The following AK3 variants were observed in gnomAD, a reference collection of about 807,000 sequenced individuals.
AK3 encodes GTP:AMP phosphotransferase AK3, mitochondrial.
In AK3, 27 loss-of-function variants were observed where a neutral mutation model predicts 23.7. That is an observed-to-expected ratio of 1.14 (90% CI 0.84 to 1.57). The LOEUF (loss-of-function observed/expected upper bound fraction) is 1.57, where lower values mean the gene tolerates loss of function less well. Ranked by LOEUF, AK3 falls within the 40% of genes most tolerant of loss-of-function variation. AK3 has a pLI of 0.00. For missense variants in AK3, 406 were observed against 285.6 expected (o/e 1.42, Z -3.04); for synonymous variants, 159 against 116.0 (o/e 1.37, Z -2.38).
rs748401164 is a variant in AK3 at position 4,741,026 on chromosome 9, C to T, written c.62G>A (p.Gly21Asp). 3.2e-6 allele frequency: 5 copies of T among 1,586,650 alleles called. No individual in the cohort carries two copies. The South Asian group carries it at 5.7e-5, about 18-fold the overall frequency. Reference protein sequence around the residue: ...VIMGAPGSGKGTVSSRITTHF... With the variant: ...VIMGAPGSGKDTVSSRITTHF... ...TGTAGTGATGCGCGACGACACGGTGCCCTTGCCCGAGCCCGGGGCCCCCAT... is the reference window on the plus strand; with the variant it reads ...TGTAGTGATGCGCGACGACACGGTGTCCTTGCCCGAGCCCGGGGCCCCCAT... The change falls in exon 1 of 5, where the codon GGC becomes GAC. Residue 21 changes from glycine (G) to aspartate (D), a missense_variant. Gly to Asp is a moderately conservative substitution (Grantham distance 94). Transcript: ENST00000381809.
intron 1 of AK3, among the ~76,000 whole-genome samples, chr9:4,728,020 G>C (rs1034792567): frequency 5.9e-5 from 9 of 152,146 alleles, no homozygotes; most frequent in Admixed American, 6.5e-5. Context: ...TATGGGTATA[G>C]TTCATGGCAC....
chr9:4,741,124 G>C lies in AK3; in HGVS notation c.-37C>G, dbSNP rs533238384. Reference sequence around the variant, plus strand: ...GAGGCCCGCACCGCGCGGGTACCAGGGCTTTGGCCTGGCCTGCGCGCTCAC... The same window carrying C: ...GAGGCCCGCACCGCGCGGGTACCAGCGCTTTGGCCTGGCCTGCGCGCTCAC... On this transcript the variant is annotated 5_prime_UTR_variant, in exon 1 of 5. Coordinates refer to ENST00000381809, the MANE Select transcript of AK3 (RefSeq NM_016282.4). The C allele has an allele frequency of 6.8e-7, 1 of 1,462,532 alleles. No homozygotes were observed. The highest frequency in any genetic ancestry group is 9.0e-7 in the Non-Finnish European group (1 of 1,106,776). 90.6% of individuals were successfully genotyped at this position (1,462,532 alleles called of 1,614,324 possible). A position where few individuals can be genotyped will look rare whatever the true frequency, so the allele number is the denominator to read the frequency against.
intron 3 of AK3, 148 bp downstream of exon 3, chr9:4,718,987 C>T: frequency 1.1e-6 from 1 of 882,818 alleles, no homozygotes; most frequent in Non-Finnish European, 1.7e-6. Context: ...GCTCAGTGGA[C>T]TTGATCAGTC....
chr9:4,732,474 T>C (rs1008980302), intron 1 of AK3, among the ~76,000 whole-genome samples: 7 of 152,188 alleles, frequency 4.6e-5, no homozygotes, highest in African/African-American at 1.4e-4. Context: ...CAAGGCCAAC[T>C]GTATTTCCTT....
chr9:4,740,477 A>T (rs544401985), intron 1 of AK3, among the ~76,000 whole-genome samples: 1 of 152,230 alleles, frequency 6.6e-6, no homozygotes, highest in East Asian at 1.9e-4. Flanking sequence ...ACAAGATCTC[A>T]TAGAGCTTAA....
intron 4 of AK3, among the ~76,000 whole-genome samples, chr9:4,715,748 C>T (rs1444894454): frequency 1.3e-5 from 2 of 152,102 alleles, no homozygotes; most frequent in Non-Finnish European, 2.9e-5. Context: ...ACCCCTGGTA[C>T]TTCACTGCTT....
chr9:4,734,741 A>G (rs1441673779), intron 1 of AK3, among the ~76,000 whole-genome samples: 2 of 152,250 alleles, frequency 1.3e-5, no homozygotes, highest in South Asian at 4.1e-4. Flanking sequence ...AAAAAGAGAA[A>G]ACAACCCAAA....
At chr9:4,735,466 G>GTGTATA (rs368205956) in intron 1 of AK3, among the ~76,000 whole-genome samples, 2 of 46,932 alleles carry the variant, frequency 4.3e-5, no homozygotes, top group African/African-American at 1.4e-4. Flanking sequence ...TAGTATATGT[G>GTGTATA]TATATATATA....
rs1002806062 is a variant in AK3 at position 4,739,635 on chromosome 9, G to A, written c.151+1302C>T. Among the ~76,000 whole-genome samples the A allele has an allele frequency of 3.1e-4, 47 of 151,756 alleles. 1 individual carries two copies. The highest frequency in any genetic ancestry group is 6.3e-4 in the South Asian group (3 of 4,794). On this transcript the variant is annotated intron_variant, in intron 1 of 4. Coordinates refer to ENST00000381809, the MANE Select transcript of AK3 (RefSeq NM_016282.4). ...TAGTATGCTCACATATTACATACAA[G>A]AAAAGATACACGTTGGCCGGGCGCG...
chr9:4,729,619 A>G (rs1842108208), intron 1 of AK3, among the ~76,000 whole-genome samples: 2 of 152,252 alleles, frequency 1.3e-5, no homozygotes, highest in East Asian at 3.9e-4. Context: ...AGACTGCTCA[A>G]GCCTAAGAGT....
At chr9:4,726,759 G>A (rs62544266) in intron 1 of AK3, among the ~76,000 whole-genome samples, 43,119 of 150,134 alleles carry the variant, frequency 0.29, 7,466 homozygotes, top group Admixed American at 0.37. Flanking sequence ...CTAGAATGGC[G>A]CATCCTTTCC....
At chr9:4,737,272 T>A (rs903406280) in intron 1 of AK3, among the ~76,000 whole-genome samples, 25 of 146,544 alleles carry the variant, frequency 1.7e-4, no homozygotes, top group Non-Finnish European at 1.8e-4. Context: ...AAAGTTTTTG[T>A]CTATCTAAAA....
At chr9:4,727,939 G>A (rs770113908) in intron 1 of AK3, among the ~76,000 whole-genome samples, 4 of 152,142 alleles carry the variant, frequency 2.6e-5, no homozygotes, top group Non-Finnish European at 5.9e-5. Context: ...AGGAGAGAGA[G>A]ACAAGGGAAT....
intron 1 of AK3, among the ~76,000 whole-genome samples, chr9:4,736,688 C>G (rs573575821): frequency 6.6e-6 from 1 of 151,910 alleles, no homozygotes; most frequent in Non-Finnish European, 1.5e-5. Context: ...GGTTATGTCT[C>G]CTTTTTTTTT....
chr9:4,723,834 T>C (rs1383546476), intron 1 of AK3, among the ~76,000 whole-genome samples: 1 of 152,216 alleles, frequency 6.6e-6, no homozygotes, highest in Non-Finnish European at 1.5e-5. Context: ...CTCTTGTTCT[T>C]TTGCTTTTAT....
Position 4,740,504 on chromosome 9 carries a change from A to G in AK3, c.151+433T>C, listed in dbSNP as rs1331189179. 2.6e-5 allele frequency among the ~76,000 whole-genome samples: 4 copies of G among 152,236 alleles called. No homozygotes were observed. In the East Asian group the frequency reaches 7.7e-4, roughly 29 times the overall value. ...AGAGCTTAACCACACCAAAAAAGAA[A>G]GAGAAAAGAAAGAAACAAAGAAAAC... is the stretch of plus-strand genomic sequence containing the variant. On this transcript the variant is annotated intron_variant, in intron 1 of 4. Transcript: ENST00000381809.
chr9:4,731,199 A>T (rs1401503390), intron 1 of AK3, among the ~76,000 whole-genome samples: 1 of 152,222 alleles, frequency 6.6e-6, no homozygotes, highest in Non-Finnish European at 1.5e-5. Flanking sequence ...GGTTTGTTGT[A>T]CAGATTATTT....
intron 1 of AK3, among the ~76,000 whole-genome samples, chr9:4,723,689 C>A (rs1408049101): frequency 6.6e-6 from 1 of 152,108 alleles, no homozygotes; most frequent in African/African-American, 2.4e-5. Flanking sequence ...TTTATATAGT[C>A]ATTTTAGGTA....
intron 2 of AK3, among the ~76,000 whole-genome samples, chr9:4,722,277 G>T (rs1018790782): frequency 1.3e-5 from 2 of 152,144 alleles, no homozygotes; most frequent in Non-Finnish European, 2.9e-5. Context: ...AAAGGGGAAA[G>T]GAACTAAAGT....
Sources: gnomAD v4.1 joint callset for allele counts (sites outside exome capture counted in the v4.1 genomes callset) on GRCh38, gnomAD v4.1.1 for gene constraint, MANE v1.5 for transcripts, NCBI Gene and HGNC (gene_info 2026-07-23, HGNC 2026-07-21) for gene names.